The following SPATS2L variants were observed in gnomAD, a reference collection of about 807,000 sequenced individuals.
SPATS2L encodes the protein spermatogenesis associated serine rich 2 like.
Under a neutral mutation model 59.6 loss-of-function variants are expected in SPATS2L, and 30 were observed. The observed-to-expected ratio is 0.50, with a 90% CI of 0.38 to 0.68. The LOEUF (loss-of-function observed/expected upper bound fraction) is 0.68. Among genes scored for constraint, SPATS2L ranks in the 30% least tolerant of loss-of-function variants. The probability of loss-of-function intolerance (pLI) is 0.00; values close to 1 mark genes in which losing one functional copy is unlikely to be tolerated. For missense variants in SPATS2L, 615 were observed against 700.0 expected (o/e 0.88, Z 1.37); for synonymous variants, 252 against 263.5 (o/e 0.96, Z 0.42).
At chr2:200,417,791 T>C (rs1276972125) in intron 5 of SPATS2L, among the ~76,000 whole-genome samples, 1 of 152,194 alleles carries the variant, frequency 6.6e-6, no homozygotes. Flanking sequence ...AAACTGTTTA[T>C]TTTTACTTCT....
intron 2 of SPATS2L, among the ~76,000 whole-genome samples, chr2:200,339,088 T>A (rs1004283889): frequency 9.2e-5 from 14 of 152,192 alleles, no homozygotes; most frequent in African/African-American, 3.4e-4. Flanking sequence ...AGTTTACAAT[T>A]TCCCCTTTTT....
At chr2:200,360,966 G>GGT (rs1559067313) in intron 2 of SPATS2L, among the ~76,000 whole-genome samples, 36 of 60,688 alleles carry the variant, frequency 5.9e-4, no homozygotes, top group African/African-American at 1.1e-3. Flanking sequence ...GCAGAACAGG[G>GGT]CTGTGTGTGT....
intron 7 of SPATS2L, among the ~76,000 whole-genome samples, chr2:200,440,244 C>T (rs569927636): frequency 1.3e-5 from 2 of 152,358 alleles, no homozygotes; most frequent in African/African-American, 2.4e-5. Flanking sequence ...TTGTACCTCT[C>T]CCAGTCTCTG....
chr2:200,356,141 G>A (rs991621422), intron 2 of SPATS2L, among the ~76,000 whole-genome samples: 2 of 152,186 alleles, frequency 1.3e-5, no homozygotes, highest in Admixed American at 6.5e-5. Flanking sequence ...CGGTAAATGG[G>A]TATTATGTGT....
intron 2 of SPATS2L, among the ~76,000 whole-genome samples, chr2:200,353,619 T>C (rs1425934260): frequency 6.6e-6 from 1 of 152,126 alleles, no homozygotes; most frequent in African/African-American, 2.4e-5. Flanking sequence ...AACCACCCTT[T>C]GTTTTGCCAC....
At chr2:200,380,360 C>CGTGCA (rs1345735444) in intron 2 of SPATS2L, among the ~76,000 whole-genome samples, 1 of 152,222 alleles carries the variant, frequency 6.6e-6, no homozygotes, top group Non-Finnish European at 1.5e-5. Flanking sequence ...CTGCCGTGTA[C>CGTGCA]GTGCAGCATA....
At chr2:200,396,002 C>T (rs2082317194) in intron 3 of SPATS2L, among the ~76,000 whole-genome samples, 1 of 67,498 alleles carries the variant, frequency 1.5e-5, no homozygotes, top group African/African-American at 6.6e-5. Context: ...AAGAGTGAGA[C>T]TCGATCTGGA....
At chr2:200,445,526 G>T (rs2084976100) in intron 8 of SPATS2L, among the ~76,000 whole-genome samples, 1 of 152,146 alleles carries the variant, frequency 6.6e-6, no homozygotes, top group Non-Finnish European at 1.5e-5. Flanking sequence ...TAAATATTGT[G>T]CACTTTTCCT....
intron 6 of SPATS2L, among the ~76,000 whole-genome samples, chr2:200,424,720 C>G (rs540464631): frequency 3.3e-5 from 5 of 152,240 alleles, no homozygotes; most frequent in African/African-American, 1.2e-4. Flanking sequence ...GTCTTTACCC[C>G]ACTGGACACA....
intron 2 of SPATS2L, among the ~76,000 whole-genome samples, chr2:200,385,588 C>T (rs1300769347): frequency 3.9e-5 from 6 of 152,110 alleles, no homozygotes; most frequent in East Asian, 1.9e-4. Context: ...AGACACTCAA[C>T]GAGGACCTTC....
intron 2 of SPATS2L, among the ~76,000 whole-genome samples, chr2:200,349,269 A>G (rs559374143): frequency 1.2e-3 from 188 of 152,264 alleles, no homozygotes; most frequent in Non-Finnish European, 2.0e-3. Flanking sequence ...CCCTAGGGTC[A>G]TAAGCCTCCA....
chr2:200,410,545 A>G (rs900580233), intron 3 of SPATS2L, among the ~76,000 whole-genome samples: 9 of 151,978 alleles, frequency 5.9e-5, no homozygotes, highest in African/African-American at 1.9e-4. Flanking sequence ...CTAGAAGCCT[A>G]CCCTCTGCCT....
intron 3 of SPATS2L, among the ~76,000 whole-genome samples, chr2:200,405,834 T>C (rs1454436526): frequency 6.6e-6 from 1 of 152,206 alleles, no homozygotes; most frequent in Non-Finnish European, 1.5e-5. Context: ...AAGGTTAAGC[T>C]CACCTCCAAG....
At chr2:200,394,867 T>A in intron 3 of SPATS2L, among the ~76,000 whole-genome samples, 1 of 152,170 alleles carries the variant, frequency 6.6e-6, no homozygotes, top group East Asian at 1.9e-4. Context: ...CAGGTAGGCT[T>A]CACAATACCA....
intron 2 of SPATS2L, among the ~76,000 whole-genome samples, chr2:200,381,552 CAGT>C (rs1235422259): frequency 6.6e-6 from 1 of 152,160 alleles, no homozygotes; most frequent in Admixed American, 6.5e-5. Flanking sequence ...CAATTGACGG[CAGT>C]AGGAGAATGA....
intron 3 of SPATS2L, among the ~76,000 whole-genome samples, chr2:200,407,152 A>G (rs1053959595): frequency 6.6e-6 from 1 of 151,944 alleles, no homozygotes; most frequent in Non-Finnish European, 1.5e-5. Context: ...GCCAAATTCT[A>G]TATGAAACAC....
At chr2:200,341,070 G>A (rs1219558954) in intron 2 of SPATS2L, among the ~76,000 whole-genome samples, 4 of 152,198 alleles carry the variant, frequency 2.6e-5, no homozygotes, top group African/African-American at 4.8e-5. Context: ...GTATGTGCAC[G>A]TATGTGTCAC....
At chr2:200,444,432 A>T (rs2084900491) in intron 8 of SPATS2L, among the ~76,000 whole-genome samples, 1 of 152,164 alleles carries the variant, frequency 6.6e-6, no homozygotes, top group Non-Finnish European at 1.5e-5. Context: ...TCAATTTAAC[A>T]TCTAATTAAA....
At chr2:200,431,463 T>C (rs1291977480) in intron 6 of SPATS2L, among the ~76,000 whole-genome samples, 1 of 152,208 alleles carries the variant, frequency 6.6e-6, no homozygotes, top group African/African-American at 2.4e-5. Flanking sequence ...GCTTTGTTTC[T>C]TTATCAGTTT....
Sources: gnomAD v4.1 joint callset for allele counts (sites outside exome capture counted in the v4.1 genomes callset) on GRCh38, gnomAD v4.1.1 for gene constraint, MANE v1.5 for transcripts, NCBI Gene and HGNC (gene_info 2026-07-23, HGNC 2026-07-21) for gene names.